Variants in LPIN1 observed in about 807,000 individuals in gnomAD.
The protein encoded by LPIN1 is lipin 1.
In LPIN1, 71 loss-of-function variants were observed where a neutral mutation model predicts 107.5. The ratio of observed to expected loss-of-function variants is 0.66; its 90% confidence interval spans 0.55 to 0.80. The LOEUF is 0.80. Ranked by LOEUF, LPIN1 falls within the 30% of genes least tolerant of loss-of-function variation. The pLI, the probability that LPIN1 is intolerant of heterozygous loss-of-function variation, is 0.00. For synonymous variants in LPIN1, 445 were observed against 452.6 expected (o/e 0.98, Z 0.21); for missense variants, 1,043 against 1,160.6 (o/e 0.90, Z 1.47).
chr2:11,772,033 G>T (rs1671929258), intron 4 of LPIN1, among the ~76,000 whole-genome samples: 1 of 152,206 alleles, frequency 6.6e-6, no homozygotes, highest in African/African-American at 2.4e-5. Flanking sequence ...GGGGTGATGG[G>T]TGACAGATCA....
chr2:11,704,073 G>T (rs181147694), intron 1 of LPIN1, among the ~76,000 whole-genome samples: 5 of 152,372 alleles, frequency 3.3e-5, no homozygotes, highest in Admixed American at 1.3e-4. Context: ...TCTCATGGTA[G>T]TCAGACCTCT....
chr2:11,782,458 C>T lies in LPIN1; in HGVS notation c.1215C>T (p.Ala405=). 6.2e-7 allele frequency: 1 copy of T among 1,614,150 alleles called. No homozygotes were observed. Among genetic ancestry groups the T allele is most frequent in the Non-Finnish European group, 8.5e-7 (1 of 1,180,018 alleles). ...PMIEELKPPS[A]SVVQTANKTD... is the part of the protein sequence containing the mutation. ...TCGAGGAGCTCAAACCCCCCTCTGC[C>T]AGTGTAGTCCAGACAGCAAACAAGA... is the stretch of plus-strand genomic sequence containing the variant. The change falls in exon 8 of 21, where the codon GCC becomes GCT. Residue 405 remains alanine, a synonymous_variant. Transcript: ENST00000674199.
intron 13 of LPIN1, among the ~76,000 whole-genome samples, chr2:11,793,381 T>A (rs1384809141): frequency 6.6e-6 from 1 of 152,252 alleles, no homozygotes; most frequent in Admixed American, 6.5e-5. Flanking sequence ...TCACCCTTGC[T>A]TCTTCATTCT....
intron 18 of LPIN1, 71 bp from the exon 19 acceptor site, chr2:11,819,413 C>T (rs1384292294): frequency 1.8e-5 from 18 of 996,964 alleles, no homozygotes; most frequent in Non-Finnish European, 2.6e-5. Flanking sequence ...GCAGCTTTGT[C>T]AGCTAAAAAC....
intron 14 of LPIN1, among the ~76,000 whole-genome samples, chr2:11,802,598 C>G (rs1866145): frequency 2.6e-5 from 4 of 152,080 alleles, no homozygotes; most frequent in Non-Finnish European, 5.9e-5. Context: ...CAGCATCTTC[C>G]TAGGCCAAGA....
chr2:11,813,092 C>T (rs969841047), intron 17 of LPIN1, among the ~76,000 whole-genome samples: 7 of 152,154 alleles, frequency 4.6e-5, no homozygotes, highest in East Asian at 1.9e-4. Context: ...GGGGAGGAGC[C>T]GCTGTGGTGT....
At chr2:11,726,789 G>C (rs1322711180) in intron 1 of LPIN1, among the ~76,000 whole-genome samples, 1 of 152,216 alleles carries the variant, frequency 6.6e-6, no homozygotes, top group Non-Finnish European at 1.5e-5. Context: ...GTAGTGAGTT[G>C]TCATGCCTCT....
At chr2:11,802,501 T>C (rs1378060732) in intron 14 of LPIN1, among the ~76,000 whole-genome samples, 1 of 152,154 alleles carries the variant, frequency 6.6e-6, no homozygotes, top group Non-Finnish European at 1.5e-5. Flanking sequence ...TATAGGGAAC[T>C]GATGGATGAG....
At chr2:11,777,945 T>C (rs1276431462) in intron 6 of LPIN1, among the ~76,000 whole-genome samples, 3 of 152,134 alleles carry the variant, frequency 2.0e-5, no homozygotes, top group Non-Finnish European at 2.9e-5. Context: ...AAAGAGTGGA[T>C]TGCGGTCACA....
intron 1 of LPIN1, chr2:11,681,631 C>G (rs887492800): frequency 6.6e-6 from 1 of 152,340 alleles, no homozygotes; most frequent in Non-Finnish European, 1.5e-5. Context: ...AGTACACCCC[C>G]GTCGGCTCTG....
At chr2:11,741,276 C>A in intron 1 of LPIN1, 3 of 1,060,990 alleles carry the variant, frequency 2.8e-6, no homozygotes, top group South Asian at 1.6e-5. Flanking sequence ...GTGAGGATGG[C>A]CTGGTCATTT....
chr2:11,761,651 C>T (rs1669852040), intron 1 of LPIN1, among the ~76,000 whole-genome samples: 3 of 152,042 alleles, frequency 2.0e-5, no homozygotes, highest in African/African-American at 7.3e-5. Flanking sequence ...TCTTACCAGC[C>T]CCTGCATGCA....
intron 1 of LPIN1, among the ~76,000 whole-genome samples, chr2:11,702,357 T>G (rs1465590468): frequency 6.6e-6 from 1 of 152,118 alleles, no homozygotes; most frequent in African/African-American, 2.4e-5. Flanking sequence ...AACAGCACAG[T>G]GGATAGTGGC....
intron 1 of LPIN1, among the ~76,000 whole-genome samples, chr2:11,702,855 CCTT>C (rs1407455731): frequency 6.6e-6 from 1 of 152,084 alleles, no homozygotes; most frequent in Non-Finnish European, 1.5e-5. Flanking sequence ...TTTTTATTGC[CCTT>C]CTTCTCTCCT....
At chr2:11,769,262 T>A (rs565607354) in intron 3 of LPIN1, among the ~76,000 whole-genome samples, 1 of 152,366 alleles carries the variant, frequency 6.6e-6, no homozygotes, top group Non-Finnish European at 1.5e-5. Context: ...GTCATTCTAG[T>A]GGGTGTGAAG....
At chr2:11,820,965 AG>A (rs780587035) in intron 20 of LPIN1, among the ~76,000 whole-genome samples, 96 of 152,344 alleles carry the variant, frequency 6.3e-4, no homozygotes, top group South Asian at 1.7e-3. Context: ...TTTTGGTCAA[AG>A]CCCAGTTTTT....
chr2:11,795,285 C>T (rs1013510918), intron 13 of LPIN1, 123 bp from the exon 14 acceptor site: 12 of 792,512 alleles, frequency 1.5e-5, no homozygotes, highest in Middle Eastern at 2.3e-4. Flanking sequence ...CTAGGGTGGG[C>T]GTCATTGGGG....
intron 17 of LPIN1, 143 bp from the exon 18 acceptor site, chr2:11,814,945 G>T (rs977080987): frequency 2.6e-6 from 2 of 759,650 alleles, no homozygotes; most frequent in African/African-American, 1.7e-5. Context: ...TTGCAAGCAA[G>T]ATTTTGTAGA....
At chr2:11,680,087 G>A (rs1014366252) in intron 1 of LPIN1, among the ~76,000 whole-genome samples, 2 of 152,208 alleles carry the variant, frequency 1.3e-5, no homozygotes, top group African/African-American at 4.8e-5. Context: ...GATCAGGCAG[G>A]CCCCCGATGG....
Sources: gnomAD v4.1 joint callset for allele counts (sites outside exome capture counted in the v4.1 genomes callset) on GRCh38, gnomAD v4.1.1 for gene constraint, MANE v1.5 for transcripts, NCBI Gene and HGNC (gene_info 2026-07-23, HGNC 2026-07-21) for gene names.